The following TRIM33 variants were observed in gnomAD, a reference collection of about 807,000 sequenced individuals.
TRIM33 encodes the protein E3 ubiquitin-protein ligase TRIM33.
In TRIM33, 20 loss-of-function variants were observed where a neutral mutation model predicts 125.4. That is an observed-to-expected ratio of 0.16 (90% confidence interval 0.11 to 0.23). The LOEUF (loss-of-function observed/expected upper bound fraction) is 0.23, where lower values mean the gene tolerates loss of function less well. Ranked by LOEUF, TRIM33 falls within the 10% of genes least tolerant of loss-of-function variation. The pLI is 1.00. For synonymous variants in TRIM33, 564 were observed against 513.9 expected (o/e 1.10, Z -1.32); for missense variants, 920 against 1,411.4 (o/e 0.65, Z 5.58).
At chr1:114,427,398 C>T in intron 7 of TRIM33, 104 bp from the exon 8 acceptor site, 2 of 663,822 alleles carry the variant, frequency 3.0e-6, no homozygotes, top group Non-Finnish European at 5.4e-6. Context: ...CCCACAGTGT[C>T]AGCCTCAGAT....
At chr1:114,438,680 C>T (rs1358102933) in intron 4 of TRIM33, among the ~76,000 whole-genome samples, 6 of 151,542 alleles carry the variant, frequency 4.0e-5, no homozygotes, top group African/African-American at 1.5e-4. Context: ...CTCTGTGTCT[C>T]ACTTCTTCTC....
intron 4 of TRIM33, among the ~76,000 whole-genome samples, chr1:114,440,424 A>G (rs1250632335): frequency 1.3e-5 from 2 of 152,162 alleles, no homozygotes; most frequent in Non-Finnish European, 2.9e-5. Flanking sequence ...TATATAAGGA[A>G]AAACAGCACC....
intron 1 of TRIM33, among the ~76,000 whole-genome samples, chr1:114,473,478 G>C (rs1381411689): frequency 6.6e-6 from 1 of 152,044 alleles, no homozygotes; most frequent in African/African-American, 2.4e-5. Context: ...ACTTTAAAGA[G>C]AGTGACGGGG....
At chr1:114,421,703 A>G in intron 10 of TRIM33, 67 bp from the exon 11 acceptor site, 4 of 1,499,372 alleles carry the variant, frequency 2.7e-6, no homozygotes, top group Non-Finnish European at 3.7e-6. Context: ...CTATACCTTT[A>G]TAATTTTTAG....
chr1:114,495,556 T>C (rs1418120599), intron 1 of TRIM33, among the ~76,000 whole-genome samples: 1 of 152,126 alleles, frequency 6.6e-6, no homozygotes, highest in African/African-American at 2.4e-5. Flanking sequence ...TAACAAAATA[T>C]GTTATTTTAC....
chr1:114,480,244 G>A (rs1351949989), intron 1 of TRIM33, among the ~76,000 whole-genome samples: 1 of 152,076 alleles, frequency 6.6e-6, no homozygotes, highest in South Asian at 2.1e-4. Flanking sequence ...TAAGGGCGGT[G>A]CAAGATGTGC....
At chr1:114,433,556 A>T in intron 5 of TRIM33, 61 bp downstream of exon 5, 1 of 1,031,074 alleles carries the variant, frequency 9.7e-7, no homozygotes, top group Non-Finnish European at 1.5e-6. Flanking sequence ...AAACAGATTT[A>T]AACTGGACCC....
At position 114,393,970 on chromosome 1, in the gene TRIM33, G is replaced by C; in HGVS notation, c.*3678C>G. 1 of 224,188 alleles carries C rather than the reference G, an allele frequency of 4.5e-6. No individual in the cohort carries two copies. Among genetic ancestry groups the C allele is most frequent in the Non-Finnish European group, 8.9e-6 (1 of 112,090 alleles). The allele number at this position is 224,188 out of a possible 1,614,324, so 13.9% of individuals were successfully genotyped here. On this transcript the variant is annotated 3_prime_UTR_variant, in exon 20 of 20. Coordinates refer to ENST00000358465, the MANE Select transcript of TRIM33 (RefSeq NM_015906.4). ...TATTAGGCAACAGACTCAAAGCAGT[G>C]TTATTGCTTTATCAAGGAGGAGATT...
intron 1 of TRIM33, chr1:114,468,462 G>A: frequency 2.8e-6 from 1 of 354,370 alleles, no homozygotes; most frequent in Non-Finnish European, 5.6e-6. Context: ...AGAGCCAACT[G>A]GGGACAAAGA....
rs1285947668 is a variant in TRIM33, at chr1:114,394,072, C to T, written c.*3576G>A. On this transcript the variant is annotated 3_prime_UTR_variant, in exon 20 of 20. Coordinates refer to ENST00000358465, the MANE Select transcript of TRIM33 (RefSeq NM_015906.4). ...GTATTACACCTTGAAAATCTTGAGT[C>T]ACCTTCAGCAGATCATTAACATAGA... 2 of 227,316 alleles carry T rather than the reference C, an allele frequency of 8.8e-6. No homozygotes were observed. Among genetic ancestry groups the T allele is most frequent in the African/African-American group, 4.4e-5 (2 of 44,966 alleles). The allele number at this position is 227,316 out of a possible 1,614,324, so 14.1% of individuals were successfully genotyped here. A position where few individuals can be genotyped will look rare whatever the true frequency, so the allele number is the denominator to read the frequency against.
intron 10 of TRIM33, among the ~76,000 whole-genome samples, chr1:114,423,936 T>G (rs143401507): frequency 3.3e-5 from 5 of 152,190 alleles, no homozygotes; most frequent in African/African-American, 9.7e-5. Context: ...GTGATTCTGA[T>G]GGTCTTTAAA....
intron 1 of TRIM33, among the ~76,000 whole-genome samples, chr1:114,499,103 T>C (rs1208248921): frequency 1.3e-5 from 2 of 152,154 alleles, no homozygotes; most frequent in Non-Finnish European, 2.9e-5. Flanking sequence ...CTGGAAGAGA[T>C]GCCTTAAAAG....
chr1:114,430,195 G>A (rs966310939), intron 6 of TRIM33, among the ~76,000 whole-genome samples: 13 of 151,678 alleles, frequency 8.6e-5, no homozygotes, highest in Admixed American at 5.3e-4. Flanking sequence ...AATGTGGTGG[G>A]ACTACTTTGC....
chr1:114,432,026 GA>G (rs987159410), intron 5 of TRIM33, among the ~76,000 whole-genome samples: 9 of 151,844 alleles, frequency 5.9e-5, no homozygotes, highest in African/African-American at 1.9e-4. Flanking sequence ...TTTGAAGAAA[GA>G]AAAAAATGTA....
chr1:114,462,630 A>C (rs1056626018), intron 4 of TRIM33, among the ~76,000 whole-genome samples: 1 of 152,212 alleles, frequency 6.6e-6, no homozygotes, highest in African/African-American at 2.4e-5. Flanking sequence ...TTCTGAGGGT[A>C]CAAGGCTAAA....
intron 1 of TRIM33, among the ~76,000 whole-genome samples, chr1:114,481,540 G>A (rs1483565351): frequency 6.9e-6 from 1 of 144,912 alleles, no homozygotes; most frequent in African/African-American, 2.5e-5. Context: ...GCAGTGAGCT[G>A]AGATTGCGCC....
chr1:114,467,467 G>A (rs147365151), intron 1 of TRIM33, among the ~76,000 whole-genome samples: 65 of 152,268 alleles, frequency 4.3e-4, no homozygotes, highest in South Asian at 1.0e-3. Flanking sequence ...TAACTCAAAT[G>A]TGAAATGTAG....
intron 4 of TRIM33, among the ~76,000 whole-genome samples, chr1:114,459,308 A>G (rs530483799): frequency 6.6e-6 from 1 of 152,298 alleles, no homozygotes; most frequent in South Asian, 2.1e-4. Context: ...GCATCCCTAA[A>G]TAATGAATCT....
chr1:114,430,688 T>G, intron 6 of TRIM33, 110 bp downstream of exon 6: 1 of 698,892 alleles, frequency 1.4e-6, no homozygotes. Flanking sequence ...TTTTACGTTT[T>G]CCTTTATTTC....
Sources: allele counts gnomAD v4.1 joint callset (sites outside exome capture counted in the v4.1 genomes callset), GRCh38; gene constraint gnomAD v4.1.1; transcripts MANE v1.5; gene names NCBI Gene and HGNC (gene_info 2026-07-23, HGNC 2026-07-21).